Variants in SLC13A1 observed in about 807,000 individuals in gnomAD.
SLC13A1 encodes Na(+)/sulfate cotransporter.
SLC13A1 carries 65 observed loss-of-function variants against 70.0 expected under a neutral mutation model. That is an observed-to-expected ratio of 0.93 (90% CI 0.76 to 1.14). The LOEUF is 1.14. Among genes scored for constraint, SLC13A1 ranks in the 50% most tolerant of loss-of-function variants. The pLI, the probability that SLC13A1 is intolerant of heterozygous loss-of-function variation, is 0.00. For synonymous variants in SLC13A1, 275 were observed against 250.5 expected, an observed-to-expected ratio of 1.10 and a Z score of -0.92; for missense variants, 726 against 717.8, an observed-to-expected ratio of 1.01 and a Z score of -0.13.
Position 123,168,497 on chromosome 7 carries a change from T to C in SLC13A1, c.611+7A>G, listed in dbSNP as rs748496161. ...AAAATCCCAATCAAAATGTCAGTAT[T>C]CCTTACCCTGGAACTGGTTTTGTTT... On this transcript the variant is annotated splice_region_variant and intron_variant, in intron 5 of 14. Coordinates refer to ENST00000194130, the MANE Select transcript of SLC13A1 (RefSeq NM_022444.4). 16 of 1,608,404 alleles carry C rather than the reference T, an allele frequency of 9.9e-6. No individual in the cohort carries two copies. The highest frequency in any genetic ancestry group is 1.7e-4 in the Middle Eastern group (1 of 6,036).
chr7:123,151,019 T>C (rs1794536236), intron 6 of SLC13A1, among the ~76,000 whole-genome samples: 1 of 152,080 alleles, frequency 6.6e-6, no homozygotes, highest in South Asian at 2.1e-4. Context: ...ATGTATCCAA[T>C]TGCCTGTTCA....
At chr7:123,170,947 G>A (rs1026499058) in intron 3 of SLC13A1, among the ~76,000 whole-genome samples, 4 of 142,454 alleles carry the variant, frequency 2.8e-5, no homozygotes, top group African/African-American at 5.0e-5. Context: ...AATTTGTCTC[G>A]TCTGAGTCAT....
chr7:123,153,082 A>T (rs1794607103), intron 6 of SLC13A1, among the ~76,000 whole-genome samples: 1 of 152,068 alleles, frequency 6.6e-6, no homozygotes, highest in African/African-American at 2.4e-5. Context: ...ATAAAGAAAA[A>T]ATTGGATTTC....
chr7:123,127,838 ATTTTTT>A (rs201644707), intron 10 of SLC13A1, among the ~76,000 whole-genome samples: 102 of 106,780 alleles, frequency 9.6e-4, no homozygotes, highest in African/African-American at 3.9e-3. Flanking sequence ...CCAAAATACA[ATTTTTT>A]TTTTTTTTTT....
At chr7:123,163,128 C>T (rs187620807) in intron 6 of SLC13A1, among the ~76,000 whole-genome samples, 6 of 152,036 alleles carry the variant, frequency 3.9e-5, no homozygotes, top group South Asian at 2.1e-4. Context: ...AATGGATTTT[C>T]GGATACCTAG....
chr7:123,199,862 C>T lies in SLC13A1; in HGVS notation c.85G>A (p.Val29Ile), dbSNP rs763943051. Residue 29 changes from valine to isoleucine, a missense_variant, in exon 1 of 15, where the codon GTC (valine) becomes ATC (isoleucine). Val to Ile is a conservative substitution (Grantham distance 29, BLOSUM62 3). Transcript: ENST00000194130. ...GGTTCACTCACCTTGGTGTGGAGGA[C>T]GATGGGCAGAGGTAGTAAAACCAAC... ...TVLVLLPLPIVLHTKEAECAY... is the reference protein window; with the variant it reads ...TVLVLLPLPIILHTKEAECAY... The T allele has an allele frequency of 8.1e-6, 13 of 1,611,610 alleles. No homozygotes were observed. The highest frequency in any genetic ancestry group is 1.6e-4 in the Middle Eastern group (1 of 6,070).
At chr7:123,122,006 C>G (rs1331155059) in intron 12 of SLC13A1, among the ~76,000 whole-genome samples, 1 of 152,058 alleles carries the variant, frequency 6.6e-6, no homozygotes, top group East Asian at 1.9e-4. Flanking sequence ...AACTAGACCT[C>G]CCTCTCTGGG....
intron 11 of SLC13A1, among the ~76,000 whole-genome samples, chr7:123,124,947 T>A (rs988275212): frequency 5.3e-5 from 8 of 152,056 alleles, no homozygotes; most frequent in South Asian, 2.1e-4. Context: ...ACCTGGCTAA[T>A]TTTTTTAATT....
intron 6 of SLC13A1, among the ~76,000 whole-genome samples, chr7:123,149,045 AC>A (rs1308850301): frequency 1.3e-5 from 2 of 152,178 alleles, no homozygotes; most frequent in African/African-American, 4.8e-5. Flanking sequence ...CCAAATAAGA[AC>A]ATCAGATTGT....
Position 123,117,561 on chromosome 7 carries a change from A to T in SLC13A1, c.1560T>A (p.Thr520=), listed in dbSNP as rs753132311. The T allele has an allele frequency of 3.1e-6, 5 of 1,612,134 alleles. No homozygotes were observed. Among genetic ancestry groups the T allele is most frequent in the Non-Finnish European group, 4.2e-6 (5 of 1,178,354 alleles). ...GGAGGAATGCAAATGAAGTACACAG[A>T]GTAGAAGGTATCAGAATATAAAGAG... ...VNPLYILIPS[T]LCTSFAFLLP... is the part of the protein sequence containing the mutation. Residue 520 remains threonine, a synonymous_variant, in exon 14 of 15, where the codon ACT becomes ACA. Transcript: ENST00000194130.
intron 14 of SLC13A1, among the ~76,000 whole-genome samples, chr7:123,117,046 G>GGCA: frequency 6.6e-6 from 1 of 152,182 alleles, no homozygotes; most frequent in Non-Finnish European, 1.5e-5. Context: ...CACTGACTCA[G>GGCA]TGTCTCATTC....
intron 10 of SLC13A1, among the ~76,000 whole-genome samples, chr7:123,126,820 G>A (rs551260946): frequency 1.3e-5 from 2 of 151,392 alleles, no homozygotes; most frequent in African/African-American, 4.8e-5. Flanking sequence ...TGTATTTTTG[G>A]CAAATTGGGC....
intron 1 of SLC13A1, among the ~76,000 whole-genome samples, chr7:123,195,258 T>A (rs1304075353): frequency 1.3e-5 from 2 of 152,096 alleles, no homozygotes; most frequent in African/African-American, 2.4e-5. Context: ...ATTTCTGCAT[T>A]CTTTGGTGTC....
chr7:123,198,261 G>C (rs978378516), intron 1 of SLC13A1, among the ~76,000 whole-genome samples: 1 of 151,856 alleles, frequency 6.6e-6, no homozygotes, highest in Non-Finnish European at 1.5e-5. Context: ...TGATGGGGCT[G>C]CCAGAGATTC....
Position 123,187,152 on chromosome 7 carries a change from T to C in SLC13A1, c.100-6051A>G, listed in dbSNP as rs1795827776. On this transcript the variant is annotated intron_variant, in intron 1 of 14. Coordinates refer to ENST00000194130, the MANE Select transcript of SLC13A1 (RefSeq NM_022444.4). ...TGAAATTCCATTAGATCATAGGCAATGTCATGTCGCTTAACCCTGGATACC... is the reference window on the plus strand; with the variant it reads ...TGAAATTCCATTAGATCATAGGCAACGTCATGTCGCTTAACCCTGGATACC... Among the ~76,000 whole-genome samples the C allele has an allele frequency of 5.3e-5, 8 of 152,046 alleles. 1 individual carries two copies.
At position 123,114,556 on chromosome 7, in the gene SLC13A1, C is replaced by T. The variant is rs1000877739; in HGVS notation, c.*962G>A. ...TTTTTTCATTGCAATGTTAACACAC[C>T]AGAGTTATGTGATTTTTCTGTCTGT... On this transcript the variant is annotated 3_prime_UTR_variant, in exon 15 of 15. Coordinates refer to ENST00000194130, the MANE Select transcript of SLC13A1 (RefSeq NM_022444.4). 3 of 151,382 alleles carry T rather than the reference C, an allele frequency of 2.0e-5. No homozygotes were observed. Among genetic ancestry groups the T allele is most frequent in the East Asian group, 3.9e-4 (2 of 5,172 alleles). The allele number at this position is 151,382 out of a possible 1,614,324, so 9.4% of individuals were successfully genotyped here. A position where few individuals can be genotyped will look rare whatever the true frequency, so the allele number is the denominator to read the frequency against.
chr7:123,178,712 AAAGGATCAC>A (rs1427116266), intron 2 of SLC13A1, among the ~76,000 whole-genome samples: 1 of 152,096 alleles, frequency 6.6e-6, no homozygotes, highest in East Asian at 1.9e-4. Flanking sequence ...CTGTCGGCAA[AAAGGATCAC>A]AAGTCTGAGA....
intron 1 of SLC13A1, chr7:123,190,554 T>G (rs1280942853): frequency 2.2e-6 from 1 of 456,728 alleles, no homozygotes. Flanking sequence ...GTCATCTGAC[T>G]GCATCTGGCC....
intron 6 of SLC13A1, among the ~76,000 whole-genome samples, chr7:123,163,387 C>T (rs559659967): frequency 2.0e-5 from 3 of 152,076 alleles, no homozygotes; most frequent in South Asian, 2.1e-4. Flanking sequence ...TGGGCCATGG[C>T]CTATAGTGAG....
Sources: allele counts gnomAD v4.1 joint callset (sites outside exome capture counted in the v4.1 genomes callset), GRCh38; gene constraint gnomAD v4.1.1; transcripts MANE v1.5; gene names NCBI Gene and HGNC (gene_info 2026-07-23, HGNC 2026-07-21).